Variants in LCLAT1 observed in about 807,000 individuals in gnomAD.
LCLAT1 encodes 1-AGP acyltransferase 8.
Under a neutral mutation model 30.7 loss-of-function variants are expected in LCLAT1, and 11 were observed. That is an observed-to-expected ratio of 0.36 (90% CI 0.23 to 0.59). The LOEUF is 0.59. Ranked by LOEUF, LCLAT1 falls within the 20% of genes least tolerant of loss-of-function variation. The pLI, the probability that LCLAT1 is intolerant of heterozygous loss-of-function variation, is 0.77. For missense variants in LCLAT1, 402 were observed against 458.6 expected, an observed-to-expected ratio of 0.88 and a Z score of 1.13; for synonymous variants, 155 against 151.3, an observed-to-expected ratio of 1.02 and a Z score of -0.18.
intron 1 of LCLAT1, among the ~76,000 whole-genome samples, chr2:30,484,331 T>G (rs1250502716): frequency 1.3e-5 from 2 of 152,166 alleles, no homozygotes; most frequent in African/African-American, 4.8e-5. Context: ...ATTGACAGCA[T>G]TATGGGAATA....
chr2:30,570,087 A>G (rs1336361545), intron 5 of LCLAT1, among the ~76,000 whole-genome samples: 1 of 152,158 alleles, frequency 6.6e-6, no homozygotes, highest in Non-Finnish European at 1.5e-5. Context: ...TTCTGACATC[A>G]TAGAACAATC....
intron 1 of LCLAT1, among the ~76,000 whole-genome samples, chr2:30,515,245 C>T (rs1158660446): frequency 6.6e-6 from 1 of 152,172 alleles, no homozygotes; most frequent in African/African-American, 2.4e-5. Flanking sequence ...TTGATCTACC[C>T]TTAACACCTG....
At chr2:30,453,556 C>T (rs1612616) in intron 1 of LCLAT1, among the ~76,000 whole-genome samples, 33,702 of 152,080 alleles carry the variant, frequency 0.22, 3,815 homozygotes, top group East Asian at 0.34. Flanking sequence ...AACACCAAAA[C>T]GTTTCTTGAC....
intron 1 of LCLAT1, among the ~76,000 whole-genome samples, chr2:30,468,986 G>A (rs1460590805): frequency 6.6e-6 from 1 of 152,074 alleles, no homozygotes; most frequent in Non-Finnish European, 1.5e-5. Context: ...GTTTTGATTT[G>A]CATTTCCCCA....
chr2:30,585,474 G>T (rs916038607), intron 5 of LCLAT1, among the ~76,000 whole-genome samples: 5 of 152,102 alleles, frequency 3.3e-5, no homozygotes, highest in African/African-American at 1.2e-4. Context: ...TTCACCGTCT[G>T]CATGATAACT....
chr2:30,618,242 T>C (rs10200895), intron 5 of LCLAT1, among the ~76,000 whole-genome samples: 19,903 of 147,856 alleles, frequency 0.13, 1,414 homozygotes, highest in South Asian at 0.23. Flanking sequence ...TGTTTTCTTA[T>C]TCTAGTTCCT....
Position 30,570,384 on chromosome 2 carries a change from G to A in LCLAT1, c.628+2208G>A, listed in dbSNP as rs538574112. Among the ~76,000 whole-genome samples, 7 of 152,266 alleles carry A rather than the reference G, an allele frequency of 4.6e-5. No individual in the cohort carries two copies. The South Asian group carries it at 1.4e-3, about 32-fold the overall frequency. The stretch of plus-strand genomic sequence containing the variant: ...TAATAATAAAAATAAAAAATATGAT[G>A]AGGATAACTATAATAGTATAGCAGC... On this transcript the variant is annotated intron_variant, in intron 5 of 5. Transcript: ENST00000379509.
intron 1 of LCLAT1, among the ~76,000 whole-genome samples, chr2:30,495,059 T>C (rs181215438): frequency 1.3e-5 from 2 of 150,364 alleles, no homozygotes; most frequent in Non-Finnish European, 3.0e-5. Flanking sequence ...GTTCCTATTA[T>C]AAGATTGATT....
intron 5 of LCLAT1, among the ~76,000 whole-genome samples, chr2:30,639,553 C>T (rs1669202554): frequency 1.3e-5 from 2 of 152,128 alleles, no homozygotes; most frequent in Non-Finnish European, 2.9e-5. Context: ...CTCATCCTCC[C>T]GAGTACCTGG....
At chr2:30,449,230 G>A (rs1393846510) in intron 1 of LCLAT1, among the ~76,000 whole-genome samples, 13 of 152,002 alleles carry the variant, frequency 8.6e-5, no homozygotes, top group Admixed American at 8.5e-4. Context: ...TGTATTAAGG[G>A]GAAACATTAA....
intron 3 of LCLAT1, chr2:30,552,617 G>T: frequency 2.5e-6 from 1 of 403,802 alleles, no homozygotes; most frequent in Non-Finnish European, 5.1e-6. Context: ...CATCTTAGAA[G>T]AGGGATGTGG....
At chr2:30,560,294 GT>G (rs1665143100) in intron 3 of LCLAT1, among the ~76,000 whole-genome samples, 1 of 145,372 alleles carries the variant, frequency 6.9e-6, no homozygotes, top group Non-Finnish European at 1.5e-5. Context: ...GTGTGTGTGT[GT>G]GTGTGTGTGT....
At chr2:30,494,586 A>G (rs912024923) in intron 1 of LCLAT1, among the ~76,000 whole-genome samples, 12 of 152,064 alleles carry the variant, frequency 7.9e-5, no homozygotes, top group Non-Finnish European at 1.5e-4. Context: ...ATACGTGCAT[A>G]CATGTATGCA....
intron 5 of LCLAT1, among the ~76,000 whole-genome samples, chr2:30,612,072 G>C (rs1057458923): frequency 3.3e-5 from 5 of 152,204 alleles, no homozygotes; most frequent in East Asian, 1.9e-4. Flanking sequence ...TGAGGAGGTT[G>C]GTGGTTCTAT....
chr2:30,594,958 C>CAGTT (rs1200677412), intron 5 of LCLAT1, among the ~76,000 whole-genome samples: 1 of 152,162 alleles, frequency 6.6e-6, no homozygotes, highest in East Asian at 1.9e-4. Context: ...CTATCCCATT[C>CAGTT]AGTTATTCTG....
At chr2:30,598,122 C>T (rs183487191) in intron 5 of LCLAT1, among the ~76,000 whole-genome samples, 1 of 152,180 alleles carries the variant, frequency 6.6e-6, no homozygotes, top group East Asian at 1.9e-4. Flanking sequence ...TATATCTCTG[C>T]CAGGTTTTGG....
At position 30,641,255 on chromosome 2, in the gene LCLAT1, C is replaced by G. The variant is rs919426287; in HGVS notation, c.*636C>G. 8 of 152,174 alleles carry G rather than the reference C, an allele frequency of 5.3e-5. No individual in the cohort carries two copies. Among genetic ancestry groups the G allele is most frequent in the African/African-American group, 1.9e-4 (8 of 41,424 alleles). The allele number at this position is 152,174 out of a possible 1,614,324, so 9.4% of individuals were successfully genotyped here. A position where few individuals can be genotyped will look rare whatever the true frequency, so the allele number is the denominator to read the frequency against. On this transcript the variant is annotated 3_prime_UTR_variant, in exon 6 of 6. Transcript: ENST00000379509. Reference sequence around the variant, plus strand: ...CCCTTTTCTCTCGTGGAAGATAAAACCTGGACTCAGGGAGCAACCACAGGC... The same window carrying G: ...CCCTTTTCTCTCGTGGAAGATAAAAGCTGGACTCAGGGAGCAACCACAGGC...
At position 30,642,407 on chromosome 2, in the gene LCLAT1, T is replaced by TCA. The variant is rs1558577988; in HGVS notation, c.*1788_*1789insCA. 1 of 143,772 alleles carries TCA rather than the reference T, an allele frequency of 7.0e-6. No homozygotes were observed. Among genetic ancestry groups the TCA allele is most frequent in the African/African-American group, 2.7e-5 (1 of 37,002 alleles). 8.9% of individuals were successfully genotyped at this position (143,772 alleles called of 1,614,324 possible). A position where few individuals can be genotyped will look rare whatever the true frequency, so the allele number is the denominator to read the frequency against. On this transcript the variant is annotated 3_prime_UTR_variant, in exon 6 of 6. Transcript: ENST00000379509. ...GTTTTTTCTTTTTCTTTTCTTTTTTTTTTTTTTTTTTTAAAAAAGCACCTT... is the reference window on the plus strand; with the variant it reads ...GTTTTTTCTTTTTCTTTTCTTTTTTTCATTTTTTTTTTTTAAAAAAGCACCTT...
intron 1 of LCLAT1, among the ~76,000 whole-genome samples, chr2:30,470,571 G>A (rs1433178022): frequency 6.6e-6 from 1 of 152,212 alleles, no homozygotes; most frequent in Admixed American, 6.5e-5. Context: ...GACAGCTTAT[G>A]AGGTTAGAAG....
Sources: gnomAD v4.1 joint callset for allele counts (sites outside exome capture counted in the v4.1 genomes callset) on GRCh38, gnomAD v4.1.1 for gene constraint, MANE v1.5 for transcripts, NCBI Gene and HGNC (gene_info 2026-07-23, HGNC 2026-07-21) for gene names.